LITAF: variants seen among roughly 807,000 people sequenced by gnomAD.
LITAF encodes the protein lipopolysaccharide induced TNF factor.
In LITAF, 9 loss-of-function variants were observed where a neutral mutation model predicts 14.5. That is an observed-to-expected ratio of 0.62 (90% CI 0.37 to 1.08). The LOEUF is 1.08. LITAF is among the 50% of genes least tolerant of loss of function. LITAF has a pLI of 0.01. For missense variants in LITAF, 206 were observed against 213.4 expected, an observed-to-expected ratio of 0.97 and a Z score of 0.22; for synonymous variants, 98 against 88.2, an observed-to-expected ratio of 1.11 and a Z score of -0.62.
At chr16:11,551,398 G>T (rs2064180031) in intron 3 of LITAF, among the ~76,000 whole-genome samples, 1 of 152,202 alleles carries the variant, frequency 6.6e-6, no homozygotes, top group African/African-American at 2.4e-5. Flanking sequence ...CTGAAGCACA[G>T]AGAGGTAAAG....
At chr16:11,594,534 G>C (rs1200621712) in intron 1 of LITAF, among the ~76,000 whole-genome samples, 1 of 152,050 alleles carries the variant, frequency 6.6e-6, no homozygotes, top group Admixed American at 6.6e-5. Context: ...TTGTTAAAAA[G>C]AAAAAGAAAT....
chr16:11,572,584 TA>T (rs1022034345), intron 1 of LITAF, among the ~76,000 whole-genome samples: 1 of 152,040 alleles, frequency 6.6e-6, no homozygotes, highest in African/African-American at 2.4e-5. Flanking sequence ...CTTCCTCCCC[TA>T]AACCCGCAGC....
upstream of LITAF, among the ~76,000 whole-genome samples, chr16:11,590,008 G>A (rs1163547881): frequency 2.6e-5 from 3 of 113,524 alleles, 1 homozygote; most frequent in African/African-American, 1.3e-4. Flanking sequence ...CAAAAGGATA[G>A]AAGCTGGGTA....
chr16:11,584,861 G>C (rs2064785107), intron 1 of LITAF, among the ~76,000 whole-genome samples: 2 of 152,048 alleles, frequency 1.3e-5, no homozygotes, highest in Non-Finnish European at 2.9e-5. Flanking sequence ...AGTAACAAAG[G>C]GAAATGTATT....
At chr16:11,603,717 C>G (rs1423835051) in intron 3 of LITAF, among the ~76,000 whole-genome samples, 2 of 152,202 alleles carry the variant, frequency 1.3e-5, no homozygotes, top group Non-Finnish European at 2.9e-5. Context: ...TGACAAAGAG[C>G]TCTCAGAACT....
chr16:11,548,154 C>CAG lies in LITAF; in HGVS notation c.*1481_*1482dup, dbSNP rs2141674188. On this transcript the variant is annotated 3_prime_UTR_variant, in exon 4 of 4. Coordinates refer to ENST00000622633, the MANE Select transcript of LITAF (RefSeq NM_001136472.2). ...ACCACTATCGTTTTCAACCAATATA[C>CAG]AGATGTTCGCTCAAGGTCTAGGTTT... 2.2e-6 allele frequency: 1 copy of CAG among 454,086 alleles called. No individual in the cohort carries two copies. Among genetic ancestry groups the CAG allele is most frequent in the South Asian group, 1.6e-5 (1 of 64,480 alleles). 28.1% of individuals were successfully genotyped at this position (454,086 alleles called of 1,614,324 possible).
Position 11,553,886 on chromosome 16 carries a change from T to C in LITAF, c.221-197A>G, listed in dbSNP as rs992435255. ...ACACCAGTGTCCATCGACGGACCAA[T>C]AAACTAACACAGCGAAGTTTATCCA... On this transcript the variant is annotated intron_variant, in intron 2 of 3. Coordinates refer to ENST00000622633, the MANE Select transcript of LITAF (RefSeq NM_001136472.2). The surrounding 1 kb of genome is among the most constrained non-coding windows in gnomAD (Gnocchi z 7.7). 4 of 603,722 alleles carry C rather than the reference T, an allele frequency of 6.6e-6. No individual in the cohort carries two copies. Among genetic ancestry groups the C allele is most frequent in the Non-Finnish European group, 1.2e-5 (4 of 339,676 alleles). 37.4% of individuals were successfully genotyped at this position (603,722 alleles called of 1,614,324 possible). A position where few individuals can be genotyped will look rare whatever the true frequency, so the allele number is the denominator to read the frequency against.
intron 1 of LITAF, among the ~76,000 whole-genome samples, chr16:11,559,952 C>T (rs1049255604): frequency 5.3e-5 from 8 of 151,916 alleles, no homozygotes; most frequent in Admixed American, 3.9e-4. Context: ...TGCGCCACTG[C>T]ACTCCAGCCT....
At chr16:11,637,948 A>C (rs1162603761), upstream of LITAF, among the ~76,000 whole-genome samples, 1 of 59,778 alleles carries the variant, frequency 1.7e-5, no homozygotes, top group Non-Finnish European at 2.9e-5. Context: ...CTATATATCT[A>C]TATATATCTA....
intron 1 of LITAF, among the ~76,000 whole-genome samples, chr16:11,567,601 C>T (rs538744458): frequency 1.3e-5 from 2 of 152,128 alleles, no homozygotes; most frequent in South Asian, 4.1e-4. Flanking sequence ...AAGTTTATGG[C>T]ACTGCTAAAA....
chr16:11,570,836 G>T (rs1445459047), intron 1 of LITAF, among the ~76,000 whole-genome samples: 1 of 151,912 alleles, frequency 6.6e-6, no homozygotes, highest in African/African-American at 2.4e-5. Flanking sequence ...GTTGGGGGGT[G>T]GGGTCTAGGG....
At chr16:11,574,828 A>C (rs1459518394) in intron 1 of LITAF, among the ~76,000 whole-genome samples, 1 of 151,922 alleles carries the variant, frequency 6.6e-6, no homozygotes, top group Non-Finnish European at 1.5e-5. Flanking sequence ...TTTGAGACAG[A>C]GTCTCATTCT....
intron 1 of LITAF, among the ~76,000 whole-genome samples, chr16:11,596,629 G>GAA (rs1163290690): frequency 1.1e-4 from 7 of 65,838 alleles, no homozygotes; most frequent in African/African-American, 4.5e-4. Context: ...GAGGAGGAGA[G>GAA]AGGAGGGGAA....
intron 1 of LITAF, among the ~76,000 whole-genome samples, chr16:11,577,335 T>TTTTTTA (rs398028734): frequency 7.2e-6 from 1 of 139,080 alleles, no homozygotes. Flanking sequence ...TTTTTTTTTT[T>TTTTTTA]GAGACGGAGT....
intron 3 of LITAF, among the ~76,000 whole-genome samples, chr16:11,612,922 C>T (rs192460933): frequency 5.4e-4 from 82 of 152,334 alleles, no homozygotes; most frequent in African/African-American, 1.8e-3. Flanking sequence ...TCTTGACCTC[C>T]CAACCCTGCA....
chr16:11,562,222 C>T (rs976795584), intron 1 of LITAF, among the ~76,000 whole-genome samples: 1 of 149,532 alleles, frequency 6.7e-6, no homozygotes, highest in Non-Finnish European at 1.5e-5. Flanking sequence ...TGCCCTGCCT[C>T]TCCACACTGT....
intron 3 of LITAF, among the ~76,000 whole-genome samples, chr16:11,613,248 C>T (rs1022307873): frequency 2.6e-5 from 4 of 152,130 alleles, no homozygotes; most frequent in Admixed American, 6.6e-5. Context: ...CCATGTTGAC[C>T]AGGCTGGTCT....
rs965753906 is a variant in LITAF, at chr16:11,553,131, G to A, written c.377+402C>T. Among the ~76,000 whole-genome samples, 1 of 151,270 alleles carries A rather than the reference G, an allele frequency of 6.6e-6. No homozygotes were observed. Among genetic ancestry groups the A allele is most frequent in the Non-Finnish European group, 1.5e-5 (1 of 67,866 alleles). On this transcript the variant is annotated intron_variant, in intron 3 of 3. Transcript: ENST00000622633. The surrounding 1 kb of genome is among the most constrained non-coding windows in gnomAD (Gnocchi z 7.7). ...ATCCATCACAAAAAAAGAAAGAAAT[G>A]CCTTAGGCCAGGCACAGTGGCTCAC...
intron 1 of LITAF, among the ~76,000 whole-genome samples, chr16:11,593,354 C>CAAAAA (rs57678584): frequency 8.6e-4 from 47 of 54,742 alleles, no homozygotes; most frequent in African/African-American, 3.3e-3. Context: ...AACTCTGTCT[C>CAAAAA]AAAAAAAAAA....
Sources: allele counts gnomAD v4.1 joint callset (sites outside exome capture counted in the v4.1 genomes callset), GRCh38; gene constraint gnomAD v4.1.1; non-coding constraint Gnocchi (gnomAD v3.1); transcripts MANE v1.5; gene names NCBI Gene and HGNC (gene_info 2026-07-23, HGNC 2026-07-21).